KLHL3: variants seen among roughly 807,000 people sequenced by gnomAD.
KLHL3 encodes the protein kelch-like protein 3.
In KLHL3, 19 loss-of-function variants were observed where a neutral mutation model predicts 70.5. The observed-to-expected ratio is 0.27, with a 90% confidence interval of 0.19 to 0.40. The LOEUF (loss-of-function observed/expected upper bound fraction) is 0.40, where lower values mean the gene tolerates loss of function less well. Among genes scored for constraint, KLHL3 ranks in the 10% least tolerant of loss-of-function variants. The pLI is 1.00. For missense variants in KLHL3, 512 were observed against 771.1 expected (o/e 0.66, Z 3.98); for synonymous variants, 258 against 290.3 (o/e 0.89, Z 1.13).
At chr5:137,729,532 G>A (rs898801508) in intron 1 of KLHL3, among the ~76,000 whole-genome samples, 4 of 152,142 alleles carry the variant, frequency 2.6e-5, no homozygotes, top group African/African-American at 9.7e-5. Context: ...CTCCCCCGTG[G>A]TTGTCCTTCA....
intron 8 of KLHL3, among the ~76,000 whole-genome samples, chr5:137,641,333 AC>A (rs1750909902): frequency 1.3e-5 from 2 of 152,232 alleles, no homozygotes; most frequent in Admixed American, 1.3e-4. Context: ...TTGTGAAAAC[AC>A]AAGCTGCTGG....
At chr5:137,654,845 G>T (rs1751299577) in intron 8 of KLHL3, among the ~76,000 whole-genome samples, 1 of 152,198 alleles carries the variant, frequency 6.6e-6, no homozygotes, top group African/African-American at 2.4e-5. Flanking sequence ...CTGAAACAAG[G>T]GGTAGACTCT....
rs533074156 is a variant in KLHL3 at position 137,688,139 on chromosome 5, G to A, written c.526+4146C>T. Among the ~76,000 whole-genome samples, 2 of 7,918 alleles carry A rather than the reference G, an allele frequency of 2.5e-4. 1 individual carries two copies. Among genetic ancestry groups the A allele is most frequent in the South Asian group, 0.011 (2 of 180 alleles). 5.2% of individuals were successfully genotyped at this position (7,918 alleles called of 152,430 possible). On this transcript the variant is annotated intron_variant, in intron 5 of 14. Transcript: ENST00000309755. ...ATGACCCTGCCAAATCCCCCTCTGC[G>A]AGAAACACCCAAGAATGATCAATAA... is the stretch of plus-strand genomic sequence containing the variant.
chr5:137,713,498 A>T (rs965378361), intron 2 of KLHL3, among the ~76,000 whole-genome samples: 1 of 152,208 alleles, frequency 6.6e-6, no homozygotes, highest in African/African-American at 2.4e-5. Flanking sequence ...ATGAAGTTGG[A>T]TCCCTACCTC....
At chr5:137,728,197 C>T (rs1339357416) in intron 1 of KLHL3, among the ~76,000 whole-genome samples, 3 of 152,104 alleles carry the variant, frequency 2.0e-5, no homozygotes, top group Non-Finnish European at 4.4e-5. Flanking sequence ...GAAAATTTAA[C>T]AAACAGCTTT....
intron 1 of KLHL3, among the ~76,000 whole-genome samples, chr5:137,724,278 G>A (rs183122949): frequency 6.4e-4 from 98 of 152,262 alleles, no homozygotes; most frequent in African/African-American, 1.2e-3. Flanking sequence ...ATTAAAGCAC[G>A]GAAAAGCCTA....
intron 8 of KLHL3, among the ~76,000 whole-genome samples, chr5:137,644,283 T>A (rs1482859291): frequency 6.6e-6 from 1 of 152,228 alleles, no homozygotes; most frequent in Non-Finnish European, 1.5e-5. Context: ...TTGGTCAGTC[T>A]GGTCTTGAAC....
intron 2 of KLHL3, among the ~76,000 whole-genome samples, chr5:137,718,102 T>C (rs1752929083): frequency 6.6e-6 from 1 of 152,194 alleles, no homozygotes; most frequent in African/African-American, 2.4e-5. Flanking sequence ...AGGGGTACAG[T>C]ATATAGCATT....
At chr5:137,687,017 A>G (rs1194842398) in intron 5 of KLHL3, among the ~76,000 whole-genome samples, 32 of 71,708 alleles carry the variant, frequency 4.5e-4, no homozygotes, top group Non-Finnish European at 6.6e-4. Flanking sequence ...TCCGGGAGGG[A>G]GGTGGGGGGG....
Position 137,658,157 on chromosome 5 carries a change from G to C in KLHL3, c.877C>G (p.Pro293Ala), listed in dbSNP as rs1254801017. ...RLLIKNPRTK[P>A]RTPVSLPKVM... ...TTGGGAAGGCTGACTGGAGTCCTGG[G>C]CTTGGTCCTTGGGTTCTTAATCAAT... The change falls in exon 8 of 15, where the codon CCC (proline) becomes GCC (alanine). Residue 293 changes from proline (P) to alanine (A), a missense_variant. By Grantham distance (27) the Pro-to-Ala change is conservative (BLOSUM62 -1). Coordinates refer to ENST00000309755, the MANE Select transcript of KLHL3 (RefSeq NM_017415.3). 14 of 1,613,776 alleles carry C rather than the reference G, an allele frequency of 8.7e-6. No individual in the cohort carries two copies. The highest frequency in any genetic ancestry group is 1.3e-5 in the African/African-American group (1 of 75,016).
chr5:137,734,042 G>T (rs756354490), intron 1 of KLHL3, among the ~76,000 whole-genome samples: 60 of 152,178 alleles, frequency 3.9e-4, no homozygotes, highest in Admixed American at 7.2e-4. Flanking sequence ...CAGCTGAGAG[G>T]CCCCAGGACA....
At chr5:137,622,605 G>C (rs1219048734) in intron 14 of KLHL3, among the ~76,000 whole-genome samples, 2 of 152,250 alleles carry the variant, frequency 1.3e-5, no homozygotes, top group Non-Finnish European at 2.9e-5. Context: ...TCTGCCACCA[G>C]TCAACCTGCA....
At chr5:137,701,639 T>A (rs1286212354) in intron 3 of KLHL3, among the ~76,000 whole-genome samples, 2 of 152,012 alleles carry the variant, frequency 1.3e-5, no homozygotes, top group East Asian at 1.9e-4. Flanking sequence ...GTAGAAAATT[T>A]AAAAAAAAGA....
At chr5:137,693,810 T>A (rs921539758) in intron 4 of KLHL3, among the ~76,000 whole-genome samples, 4 of 152,004 alleles carry the variant, frequency 2.6e-5, no homozygotes, top group Admixed American at 2.0e-4. Flanking sequence ...CAGGAAGATA[T>A]GGGCTGCAGA....
chr5:137,627,823 A>T (rs1474086221), intron 13 of KLHL3, among the ~76,000 whole-genome samples: 1 of 152,150 alleles, frequency 6.6e-6, no homozygotes, highest in Non-Finnish European at 1.5e-5. Flanking sequence ...GGAAAGGAGA[A>T]CTCATCAAGG....
At chr5:137,719,857 C>G (rs906300653) in intron 2 of KLHL3, among the ~76,000 whole-genome samples, 2 of 152,144 alleles carry the variant, frequency 1.3e-5, no homozygotes, top group African/African-American at 4.8e-5. Flanking sequence ...TTTCAAGCAG[C>G]TCGTTCTGTT....
intron 2 of KLHL3, among the ~76,000 whole-genome samples, chr5:137,716,205 G>A (rs772094611): frequency 1.3e-5 from 2 of 151,660 alleles, no homozygotes; most frequent in African/African-American, 4.8e-5. Flanking sequence ...AAGTTAGGTT[G>A]AGACGTAAAT....
chr5:137,674,907 A>G (rs1043285193), intron 6 of KLHL3, among the ~76,000 whole-genome samples: 5 of 152,268 alleles, frequency 3.3e-5, no homozygotes, highest in African/African-American at 9.6e-5. Context: ...CATTAAAATG[A>G]AAAACATCTA....
intron 8 of KLHL3, among the ~76,000 whole-genome samples, chr5:137,642,890 T>C (rs1453181781): frequency 6.6e-6 from 1 of 151,578 alleles, no homozygotes; most frequent in East Asian, 1.9e-4. Context: ...AGGCAAAGTT[T>C]TCAGGAACCC....
Sources: allele counts gnomAD v4.1 joint callset (sites outside exome capture counted in the v4.1 genomes callset), GRCh38; gene constraint gnomAD v4.1.1; transcripts MANE v1.5; gene names NCBI Gene and HGNC (gene_info 2026-07-23, HGNC 2026-07-21).